Variants in GPC3 observed in about 807,000 individuals in gnomAD.
The protein encoded by GPC3 is glypican 3.
A neutral mutation model predicts 34.4 loss-of-function variants in GPC3; 3 were observed. The observed-to-expected ratio is 0.09, with a 90% CI of 0.04 to 0.23. The LOEUF is 0.23. Among genes scored for constraint, GPC3 ranks in the 10% least tolerant of loss-of-function variants. The pLI, the probability that GPC3 is intolerant of heterozygous loss-of-function variation, is 1.00. For missense variants in GPC3, 351 were observed against 445.6 expected (o/e 0.79, Z 1.91); for synonymous variants, 177 against 174.0 (o/e 1.02, Z -0.13).
At chrX:133,668,387 G>A (rs1298904903) in intron 5 of GPC3, among the ~76,000 whole-genome samples, 1 of 111,575 alleles carries the variant, frequency 9.0e-6, no homozygotes, top group Non-Finnish European at 1.9e-5. Flanking sequence ...CACCTGATGA[G>A]AATTGAGGGC....
chrX:133,844,726 C>T (rs191607369), intron 2 of GPC3, among the ~76,000 whole-genome samples: 2 of 112,440 alleles, frequency 1.8e-5, no homozygotes, highest in African/African-American at 6.4e-5. Context: ...CACATCCCCT[C>T]ACCCTCCGCT....
At chrX:133,549,073 C>T (rs760495724) in intron 7 of GPC3, among the ~76,000 whole-genome samples, 85 of 111,689 alleles carry the variant, frequency 7.6e-4, no homozygotes, top group Non-Finnish European at 1.2e-3. Flanking sequence ...TCAATTTACT[C>T]GGAAGCACAC....
chrX:133,591,328 A>G (rs1373879358), intron 7 of GPC3, among the ~76,000 whole-genome samples: 3 of 111,940 alleles, frequency 2.7e-5, no homozygotes, highest in Non-Finnish European at 5.6e-5. Context: ...GCATCTATCC[A>G]AATTTTAGGT....
At chrX:133,851,074 G>A (rs1305388459) in intron 2 of GPC3, among the ~76,000 whole-genome samples, 1 of 111,790 alleles carries the variant, frequency 8.9e-6, no homozygotes, top group Non-Finnish European at 1.9e-5. Context: ...CTGCACTTCA[G>A]CCTGGGTGAC....
chrX:133,794,029 G>A (rs1341089484), intron 2 of GPC3, among the ~76,000 whole-genome samples: 1 of 111,923 alleles, frequency 8.9e-6, no homozygotes, highest in Non-Finnish European at 1.9e-5. Context: ...AGAGACAACA[G>A]AATGAAAGAA....
chrX:133,672,616 A>G (rs912523113), intron 5 of GPC3, among the ~76,000 whole-genome samples: 1 of 112,041 alleles, frequency 8.9e-6, no homozygotes, highest in Non-Finnish European at 1.9e-5. Flanking sequence ...TACTCAAGCT[A>G]AACCAAAAGG....
chrX:133,558,940 TAAAA>T (rs1310564840), intron 7 of GPC3, among the ~76,000 whole-genome samples: 7 of 107,246 alleles, frequency 6.5e-5, no homozygotes, highest in Non-Finnish European at 9.5e-5. Flanking sequence ...AATAAATAAA[TAAAA>T]ATAAATGTGT....
intron 2 of GPC3, among the ~76,000 whole-genome samples, chrX:133,800,815 GGAA>G (rs1339586240): frequency 9.0e-6 from 1 of 111,714 alleles, no homozygotes; most frequent in Non-Finnish European, 1.9e-5. Context: ...AATGCATCAT[GGAA>G]GAAGACCACC....
intron 6 of GPC3, among the ~76,000 whole-genome samples, chrX:133,627,424 A>T (rs1320854205): frequency 1.8e-5 from 2 of 111,935 alleles, no homozygotes; most frequent in Non-Finnish European, 3.8e-5. Context: ...TTCCTGGGGG[A>T]GTAAAATTCA....
chrX:133,593,330 C>CAAAAAAAAAAAAAAAAAAAAAAGAAAAA (rs2069872549), intron 7 of GPC3, among the ~76,000 whole-genome samples: 2 of 9,892 alleles, frequency 2.0e-4, no homozygotes, highest in Admixed American at 1.4e-3. Flanking sequence ...GAGACTGTCT[C>CAAAAAAAAAAAAAAAAAAAAAAGAAAAA]AAAAAAAAAA....
At chrX:133,964,298 C>T (rs2076453702) in intron 1 of GPC3, among the ~76,000 whole-genome samples, 1 of 111,745 alleles carries the variant, frequency 8.9e-6, no homozygotes, top group African/African-American at 3.3e-5. Context: ...TCTAAAATTC[C>T]CTGTAGCTGA....
intron 4 of GPC3, among the ~76,000 whole-genome samples, chrX:133,697,906 G>A (rs1243150069): frequency 2.7e-5 from 3 of 111,374 alleles, no homozygotes; most frequent in Non-Finnish European, 3.8e-5. Context: ...ATCCGTTGCC[G>A]CTTTAGACCA....
chrX:133,984,215 C>T (rs186827215), intron 1 of GPC3, among the ~76,000 whole-genome samples: 133 of 113,802 alleles, frequency 1.2e-3, no homozygotes, highest in Admixed American at 3.4e-3. Flanking sequence ...TGAGAAGAGA[C>T]CCTGGAGGCC....
chrX:133,631,349 C>A (rs1276611620), intron 6 of GPC3, among the ~76,000 whole-genome samples: 1 of 111,887 alleles, frequency 8.9e-6, no homozygotes, highest in African/African-American at 3.2e-5. Context: ...TGAAGTCAAA[C>A]AATATTTGTC....
intron 3 of GPC3, among the ~76,000 whole-genome samples, chrX:133,717,420 A>G (rs1299194314): frequency 1.8e-5 from 2 of 111,531 alleles, no homozygotes; most frequent in African/African-American, 6.5e-5. Flanking sequence ...ACAGCCCGGT[A>G]CCACACCCTG....
chrX:133,774,305 T>C (rs925510021), intron 2 of GPC3, among the ~76,000 whole-genome samples: 2 of 111,738 alleles, frequency 1.8e-5, no homozygotes, highest in Non-Finnish European at 3.8e-5. Flanking sequence ...TCCAGATTGA[T>C]TGAACCCACA....
At chrX:133,689,708 G>T (rs1006052545) in intron 5 of GPC3, among the ~76,000 whole-genome samples, 11 of 112,178 alleles carry the variant, frequency 9.8e-5, no homozygotes, top group African/African-American at 3.6e-4. Context: ...TTGTTAGAAT[G>T]AATACGTGAA....
intron 2 of GPC3, among the ~76,000 whole-genome samples, chrX:133,860,830 G>A (rs949798746): frequency 1.8e-5 from 2 of 111,817 alleles, no homozygotes; most frequent in African/African-American, 6.5e-5. Flanking sequence ...GGCCAGGCAC[G>A]GTGGCTCATG....
At chrX:133,782,150 T>A (rs1271461179) in intron 2 of GPC3, among the ~76,000 whole-genome samples, 1 of 110,990 alleles carries the variant, frequency 9.0e-6, no homozygotes, top group Non-Finnish European at 1.9e-5. Flanking sequence ...TTCCCTTCCA[T>A]CTCCTCTGTG....
Sources: gnomAD v4.1 joint callset for allele counts (sites outside exome capture counted in the v4.1 genomes callset) on GRCh38, gnomAD v4.1.1 for gene constraint, MANE v1.5 for transcripts, NCBI Gene and HGNC (gene_info 2026-07-23, HGNC 2026-07-21) for gene names.